OTOG: variants seen among roughly 807,000 people sequenced by gnomAD.
OTOG encodes otogelin.
In OTOG, 296 loss-of-function variants were observed where a neutral mutation model predicts 313.8. The observed-to-expected ratio is 0.94, with a 90% CI of 0.86 to 1.04. The LOEUF (loss-of-function observed/expected upper bound fraction) is 1.04. OTOG is among the 50% of genes least tolerant of loss of function. OTOG has a pLI of 0.00. For synonymous variants in OTOG, 1,533 were observed against 1,554.9 expected (o/e 0.99, Z 0.33); for missense variants, 3,948 against 3,840.1 (o/e 1.03, Z -0.74).
chr11:17,610,881 C>A lies in OTOG; in HGVS notation c.5581C>A (p.Pro1861Thr). The change falls in exon 36 of 56, where the codon CCA becomes ACA. Residue 1861 changes from proline (P) to threonine (T), a missense_variant. Pro to Thr is a conservative substitution (Grantham distance 38). Transcript: ENST00000399397. ...TCCAGCAGCAATGACCCAGGCGCAC[C>A]CACCCACTCACATAGCACCCCCAGC... ...FTPAAMTQAH[P>T]PTHIAPPAAG... is the part of the protein sequence containing the mutation. 1 of 1,550,768 alleles carries A rather than the reference C, an allele frequency of 6.4e-7. No homozygotes were observed. Among genetic ancestry groups the A allele is most frequent in the Admixed American group, 2.0e-5 (1 of 51,012 alleles).
chr11:17,574,340 A>G (rs1441902205), intron 19 of OTOG, among the ~76,000 whole-genome samples: 2 of 152,102 alleles, frequency 1.3e-5, no homozygotes. Context: ...GTGTCCACAC[A>G]CTTGGGCTCA....
rs758044497 is a variant in OTOG, at chr11:17,612,186, C to T, written c.6148C>T (p.Arg2050Cys). 3.0e-5 allele frequency: 47 copies of T among 1,549,828 alleles called. No homozygotes were observed. In the Middle Eastern group the frequency reaches 5.0e-4, roughly 16 times the overall value. The change falls in exon 37 of 56, where the codon CGC becomes TGC. Residue 2050 changes from arginine to cysteine, a missense_variant. Transcript: ENST00000399397. ...CVPIAEQDCV[R>C]HICLEGQLIR... Reference sequence around the variant, plus strand: ...GCCAATCGCCGAGCAGGACTGCGTCCGCCACATCTGCCTGGAGGGCCAGCT... The same window carrying T: ...GCCAATCGCCGAGCAGGACTGCGTCTGCCACATCTGCCTGGAGGGCCAGCT...
At chr11:17,600,716 G>T (rs1261223195) in intron 31 of OTOG, among the ~76,000 whole-genome samples, 15 of 152,232 alleles carry the variant, frequency 9.9e-5, no homozygotes, top group Non-Finnish European at 5.9e-5. Context: ...GGGGAACTGT[G>T]GTCCCTGGGG....
At chr11:17,573,055 G>A in intron 18 of OTOG, 23 bp from the exon 19 acceptor site, 4 of 1,526,926 alleles carry the variant, frequency 2.6e-6, no homozygotes, top group Non-Finnish European at 3.5e-6. Flanking sequence ...CTGACTGCCT[G>A]GCTCCTGTTC....
intron 51 of OTOG, among the ~76,000 whole-genome samples, chr11:17,641,490 G>T (rs547214747): frequency 2.0e-5 from 3 of 152,288 alleles, no homozygotes; most frequent in African/African-American, 7.2e-5. Flanking sequence ...GATAAAGAAG[G>T]TTAGAATTAT....
intron 14 of OTOG, 93 bp downstream of exon 14, chr11:17,561,230 T>TG: frequency 7.1e-7 from 1 of 1,412,204 alleles, no homozygotes; most frequent in African/African-American, 1.4e-5. Context: ...TTGCTGCGGG[T>TG]GGGGATGTCA....
In OTOG at chr11:17,612,217, G is replaced by A. The variant is rs188527711; in HGVS notation, c.6179G>A (p.Arg2060His). The A allele has an allele frequency of 1.1e-3, 1,729 of 1,549,366 alleles. 2 individuals are homozygous for A. Among genetic ancestry groups the A allele is most frequent in the Non-Finnish European group, 1.4e-3 (1,559 of 1,146,972 alleles). ...ATCTGCCTGGAGGGCCAGCTGATTCGCGTGAATCAGTCCCAGCACTGTCCC... is the reference window on the plus strand; with the variant it reads ...ATCTGCCTGGAGGGCCAGCTGATTCACGTGAATCAGTCCCAGCACTGTCCC... ...RHICLEGQLIRVNQSQHCPQG... is the reference protein window; with the variant it reads ...RHICLEGQLIHVNQSQHCPQG... Residue 2060 changes from arginine to histidine, a missense_variant, in exon 37 of 56, where the codon CGC becomes CAC. By Grantham distance (29) the Arg-to-His change is conservative. Transcript: ENST00000399397.
chr11:17,620,536 A>T (rs895748030), intron 39 of OTOG, among the ~76,000 whole-genome samples: 1 of 152,222 alleles, frequency 6.6e-6, no homozygotes, highest in East Asian at 1.9e-4. Context: ...TATTTTGAAT[A>T]GTGCTGTTAT....
chr11:17,628,305 T>G (rs1854033891), intron 39 of OTOG, among the ~76,000 whole-genome samples: 1 of 152,160 alleles, frequency 6.6e-6, no homozygotes, highest in African/African-American at 2.4e-5. Flanking sequence ...TTTTTCATAA[T>G]TTTTTTATTG....
chr11:17,564,524 T>C (rs1479163694), intron 15 of OTOG, among the ~76,000 whole-genome samples: 1 of 152,174 alleles, frequency 6.6e-6, no homozygotes, highest in Admixed American at 6.5e-5. Context: ...CAGGATCCAT[T>C]AAAGCAGATG....
Position 17,594,089 on chromosome 11 carries a change from A to G in OTOG, c.3331A>G (p.Ile1111Val), listed in dbSNP as rs1037329471. ...GLCGNFDLKT[I>V]NEMRTPENLE... ...CTGTGGGAACTTTGACTTAAAAACC[A>G]TCAATGAGATGAGGACCCCGGAGAA... Residue 1111 changes from isoleucine (I) to valine (V), a missense_variant, in exon 28 of 56, where the codon ATC (isoleucine) becomes GTC (valine). Coordinates refer to ENST00000399397, the MANE Select transcript of OTOG (RefSeq NM_001292063.2). 3 of 1,550,424 alleles carry G rather than the reference A, an allele frequency of 1.9e-6. No individual in the cohort carries two copies. Among genetic ancestry groups the G allele is most frequent in the African/African-American group, 1.4e-5 (1 of 73,036 alleles).
intron 15 of OTOG, among the ~76,000 whole-genome samples, chr11:17,564,187 G>A (rs534386745): frequency 7.9e-5 from 12 of 152,324 alleles, no homozygotes; most frequent in African/African-American, 2.6e-4. Flanking sequence ...TGCTGGGCAT[G>A]GTGAGGTTAC....
intron 24 of OTOG, among the ~76,000 whole-genome samples, chr11:17,588,733 A>G (rs1231746046): frequency 6.6e-6 from 1 of 152,070 alleles, no homozygotes; most frequent in African/African-American, 2.4e-5. Context: ...GTATCTCCCG[A>G]CATCTCAGAT....
chr11:17,549,813 G>A (rs1328724963), intron 3 of OTOG, among the ~76,000 whole-genome samples: 3 of 152,250 alleles, frequency 2.0e-5, no homozygotes, highest in Middle Eastern at 6.8e-3. Context: ...TCAGAGCAAC[G>A]AGGAATTAGA....
chr11:17,572,452 C>T (rs1273685408), intron 18 of OTOG, among the ~76,000 whole-genome samples: 3 of 152,220 alleles, frequency 2.0e-5, no homozygotes, highest in South Asian at 2.1e-4. Flanking sequence ...AGGGCAAAAG[C>T]GGAAGTCGGC....
chr11:17,620,788 C>T (rs1853846468), intron 39 of OTOG, among the ~76,000 whole-genome samples: 1 of 152,160 alleles, frequency 6.6e-6, no homozygotes, highest in South Asian at 2.1e-4. Context: ...ATGCTCTCTG[C>T]TCATCATTCT....
intron 30 of OTOG, among the ~76,000 whole-genome samples, chr11:17,599,092 A>G (rs1043641578): frequency 8.5e-5 from 13 of 152,136 alleles, no homozygotes; most frequent in Non-Finnish European, 1.6e-4. Flanking sequence ...TCTGCAGCTG[A>G]GGGGCTAGGG....
chr11:17,581,800 A>G (rs1488144508), intron 23 of OTOG, among the ~76,000 whole-genome samples: 1 of 152,162 alleles, frequency 6.6e-6, no homozygotes, highest in Non-Finnish European at 1.5e-5. Context: ...TATAATGTTT[A>G]TCTATTCTAG....
chr11:17,631,607 C>A, intron 40 of OTOG, 95 bp from the exon 41 acceptor site: 1 of 1,027,334 alleles, frequency 9.7e-7, no homozygotes, highest in Non-Finnish European at 1.4e-6. Flanking sequence ...GTATTATTGA[C>A]CTCAAAGAAC....
Sources: allele counts gnomAD v4.1 joint callset (sites outside exome capture counted in the v4.1 genomes callset), GRCh38; gene constraint gnomAD v4.1.1; transcripts MANE v1.5; gene names NCBI Gene and HGNC (gene_info 2026-07-23, HGNC 2026-07-21).